MEMO1: variants seen among roughly 807,000 people sequenced by gnomAD.
MEMO1 encodes mediator of cell motility 1, also known as protein MEMO1.
Under a neutral mutation model 45.2 loss-of-function variants are expected in MEMO1, and 6 were observed. The observed-to-expected ratio is 0.13, with a 90% CI of 0.07 to 0.26. The LOEUF (loss-of-function observed/expected upper bound fraction) is 0.26. Among genes scored for constraint, MEMO1 ranks in the 10% least tolerant of loss-of-function variants. The pLI is 1.00. For missense variants in MEMO1, 184 were observed against 370.5 expected (o/e 0.50, Z 4.13); for synonymous variants, 78 against 124.3 (o/e 0.63, Z 2.48).
chr2:31,998,000 G>C (rs1475850991), intron 2 of MEMO1, among the ~76,000 whole-genome samples: 1 of 152,098 alleles, frequency 6.6e-6, no homozygotes, highest in East Asian at 1.9e-4. Flanking sequence ...ATTATGCTGA[G>C]ATGTCTTCAA....
At chr2:31,959,230 T>C (rs1356736275) in intron 2 of MEMO1, among the ~76,000 whole-genome samples, 2 of 152,108 alleles carry the variant, frequency 1.3e-5, no homozygotes, top group African/African-American at 2.4e-5. Flanking sequence ...TTCAGAATCA[T>C]TTAATTAAGG....
At chr2:31,886,472 T>C (rs1462772733) in intron 7 of MEMO1, among the ~76,000 whole-genome samples, 2 of 152,156 alleles carry the variant, frequency 1.3e-5, no homozygotes, top group Admixed American at 6.5e-5. Flanking sequence ...GAGTTTAAAA[T>C]ACCACTTTTT....
At chr2:31,885,717 C>T (rs1020359342) in intron 7 of MEMO1, among the ~76,000 whole-genome samples, 4 of 152,120 alleles carry the variant, frequency 2.6e-5, no homozygotes, top group Non-Finnish European at 4.4e-5. Context: ...TTCTCTTTTC[C>T]CTGCTTCTGG....
chr2:31,910,213 G>T (rs1572648449), intron 6 of MEMO1, among the ~76,000 whole-genome samples: 1 of 152,102 alleles, frequency 6.6e-6, no homozygotes, highest in Admixed American at 6.6e-5. Flanking sequence ...AACAAAAATT[G>T]AGGGAGTTTG....
At chr2:31,925,606 G>A (rs779949637) in intron 4 of MEMO1, among the ~76,000 whole-genome samples, 6 of 151,534 alleles carry the variant, frequency 4.0e-5, no homozygotes, top group Non-Finnish European at 7.4e-5. Flanking sequence ...TGGAATTCTG[G>A]TTTTCCTCAA....
intron 2 of MEMO1, among the ~76,000 whole-genome samples, chr2:31,946,021 A>G (rs1666154459): frequency 6.6e-6 from 1 of 152,160 alleles, no homozygotes; most frequent in Non-Finnish European, 1.5e-5. Flanking sequence ...CTTGTGATAC[A>G]CGTGTCATTC....
chr2:31,876,801 A>G (rs1674637177), intron 8 of MEMO1, among the ~76,000 whole-genome samples: 2 of 152,010 alleles, frequency 1.3e-5, no homozygotes, highest in Admixed American at 6.6e-5. Context: ...TGACCCCCCA[A>G]GCTCAATCCA....
chr2:31,871,543 C>T (rs1049883943), intron 8 of MEMO1, among the ~76,000 whole-genome samples: 4 of 150,638 alleles, frequency 2.7e-5, no homozygotes, highest in Non-Finnish European at 5.9e-5. Context: ...GAAACATAGA[C>T]ATATACATGT....
chr2:31,874,625 AAC>A (rs1454262312), intron 8 of MEMO1, among the ~76,000 whole-genome samples: 2 of 152,018 alleles, frequency 1.3e-5, no homozygotes, highest in South Asian at 4.1e-4. Flanking sequence ...GCTAATTTTG[AAC>A]AGATGTAATC....
chr2:31,971,457 T>A (rs1361847920), intron 2 of MEMO1, among the ~76,000 whole-genome samples: 1 of 152,150 alleles, frequency 6.6e-6, no homozygotes, highest in African/African-American at 2.4e-5. Context: ...CTTGCACTCC[T>A]GGGCTCAAGA....
At chr2:31,874,573 G>C (rs925560094) in intron 8 of MEMO1, among the ~76,000 whole-genome samples, 35 of 151,812 alleles carry the variant, frequency 2.3e-4, no homozygotes, top group African/African-American at 8.2e-4. Context: ...ACTATATTTA[G>C]TAATAGTTTT....
Position 31,962,583 on chromosome 2 carries a change from T to C in MEMO1, c.62-19200A>G, listed in dbSNP as rs78879155. Among the ~76,000 whole-genome samples the C allele has an allele frequency of 8.4e-3, 1,273 of 152,258 alleles. 25 individuals are homozygous for C. The highest frequency in any genetic ancestry group is 0.029 in the African/African-American group (1,194 of 41,530). ...TCCTTCCCAAAAGTGAGAAAAGGCA[T>C]CTAAAAATTAAGTATAAGATAATGT... On this transcript the variant is annotated intron_variant, in intron 2 of 9. Transcript: ENST00000404530.
At chr2:31,876,350 G>A (rs566893277) in intron 8 of MEMO1, among the ~76,000 whole-genome samples, 1 of 152,150 alleles carries the variant, frequency 6.6e-6, no homozygotes, top group Non-Finnish European at 1.5e-5. Context: ...CCTCAAGGTA[G>A]TCTTTCTCAG....
intron 2 of MEMO1, among the ~76,000 whole-genome samples, chr2:31,973,304 A>C (rs1207076966): frequency 1.3e-5 from 2 of 152,030 alleles, no homozygotes; most frequent in Non-Finnish European, 2.9e-5. Context: ...AAATACAAAA[A>C]TTAGCCATGT....
chr2:31,932,054 C>A lies in MEMO1; in HGVS notation c.212+13G>T. 1 of 1,607,898 alleles carries A rather than the reference C, an allele frequency of 6.2e-7. No homozygotes were observed. The highest frequency in any genetic ancestry group is 1.1e-5 in the South Asian group (1 of 90,292). ...CAAGCTTCTCCGACTTAAAACAAAA[C>A]TACATTACTTACGTAATAGACGGAT... On this transcript the variant is annotated intron_variant, in intron 4 of 9. Transcript: ENST00000404530.
At chr2:31,909,176 A>C (rs940811201) in intron 6 of MEMO1, among the ~76,000 whole-genome samples, 1 of 152,220 alleles carries the variant, frequency 6.6e-6, no homozygotes, top group African/African-American at 2.4e-5. Flanking sequence ...GAAAAACTGA[A>C]AGCCTTTCCA....
chr2:31,950,111 T>A (rs995271590), intron 2 of MEMO1, among the ~76,000 whole-genome samples: 1 of 152,196 alleles, frequency 6.6e-6, no homozygotes, highest in African/African-American at 2.4e-5. Context: ...CCGGGCGCAG[T>A]GGCTCACGCC....
At chr2:31,945,042 T>C (rs1288436591) in intron 2 of MEMO1, among the ~76,000 whole-genome samples, 2 of 152,164 alleles carry the variant, frequency 1.3e-5, no homozygotes, top group Admixed American at 1.3e-4. Context: ...CTGATTTTGG[T>C]GTTTATCATT....
chr2:31,979,267 G>A (rs997428469), intron 2 of MEMO1, among the ~76,000 whole-genome samples: 13 of 152,248 alleles, frequency 8.5e-5, no homozygotes, highest in Middle Eastern at 3.4e-3. Context: ...CTCCCTCAAC[G>A]CCTGGGGATT....
Sources: gnomAD v4.1 joint callset for allele counts (sites outside exome capture counted in the v4.1 genomes callset) on GRCh38, gnomAD v4.1.1 for gene constraint, MANE v1.5 for transcripts, NCBI Gene and HGNC (gene_info 2026-07-23, HGNC 2026-07-21) for gene names.